Variants in DSCAML1 observed in about 807,000 individuals in gnomAD.
DSCAML1 encodes cell adhesion molecule DSCAML1.
DSCAML1 carries 38 observed loss-of-function variants against 200.5 expected under a neutral mutation model. That is an observed-to-expected ratio of 0.19 (90% confidence interval 0.15 to 0.25). The LOEUF is 0.25. DSCAML1 is among the 10% of genes least tolerant of loss of function. The pLI, the probability that DSCAML1 is intolerant of heterozygous loss-of-function variation, is 1.00. For missense variants in DSCAML1, 2,223 were observed against 2,858.8 expected (o/e 0.78, Z 5.07); for synonymous variants, 1,215 against 1,165.0 (o/e 1.04, Z -0.87).
intron 3 of DSCAML1, among the ~76,000 whole-genome samples, chr11:117,651,420 C>T (rs1023341983): frequency 1.3e-5 from 2 of 152,140 alleles, no homozygotes; most frequent in Admixed American, 6.5e-5. Flanking sequence ...TGATTGCACC[C>T]CTAGGCCGGG....
At chr11:117,512,653 C>CGT (rs1211703074) in intron 8 of DSCAML1, among the ~76,000 whole-genome samples, 9 of 91,988 alleles carry the variant, frequency 9.8e-5, no homozygotes, top group South Asian at 8.4e-4. Context: ...TACACACACA[C>CGT]ACACACACAC....
chr11:117,577,719 A>C (rs1200039275), intron 3 of DSCAML1, among the ~76,000 whole-genome samples: 1 of 151,472 alleles, frequency 6.6e-6, no homozygotes, highest in Non-Finnish European at 1.5e-5. Flanking sequence ...GGCGTGAGCC[A>C]CCAAGCCCGG....
In DSCAML1 at chr11:117,524,908, C is replaced by T; in HGVS notation, c.834G>A (p.Gly278=). 1 of 1,613,556 alleles carries T rather than the reference C, an allele frequency of 6.2e-7. No individual in the cohort carries two copies. Among genetic ancestry groups the T allele is most frequent in the South Asian group, 1.1e-5 (1 of 90,848 alleles). The stretch of plus-strand genomic sequence containing the variant: ...CGGTCCGCAAGTCGCTGATGGTCAG[C>T]CCTGTGATGCGCTTGGTCCAGCGGC... ...ADSRWTKRIT[G]LTISDLRTED... The change falls in exon 5 of 33, where the codon GGG becomes GGA. Residue 278 remains glycine, a synonymous_variant. Coordinates refer to ENST00000651296, the MANE Select transcript of DSCAML1 (RefSeq NM_020693.4).
Position 117,518,774 on chromosome 11 carries a change from G to A in DSCAML1, c.1214-12C>T, listed in dbSNP as rs896499915. On this transcript the variant is annotated splice_polypyrimidine_tract_variant and intron_variant, in intron 6 of 32. Transcript: ENST00000651296. This position sits in a 1 kb window ranked among gnomAD's most constrained non-coding sequence, Gnocchi z 6.3. Reference sequence around the variant, plus strand: ...GCGGGGCGTGCCATCTGCAGGGAGCGAGAAGCCCCCTTCAGGGTCACCAAG... The same window carrying A: ...GCGGGGCGTGCCATCTGCAGGGAGCAAGAAGCCCCCTTCAGGGTCACCAAG... 6.2e-6 allele frequency: 10 copies of A among 1,605,962 alleles called. No homozygotes were observed. Among genetic ancestry groups the A allele is most frequent in the Admixed American group, 3.4e-5 (2 of 59,670 alleles).
At chr11:117,561,582 T>C (rs1658838059) in intron 3 of DSCAML1, among the ~76,000 whole-genome samples, 1 of 152,178 alleles carries the variant, frequency 6.6e-6, no homozygotes, top group South Asian at 2.1e-4. Flanking sequence ...TGTTCTCCTC[T>C]CCTCTCCTCT....
At position 117,437,862 on chromosome 11, in the gene DSCAML1, G is replaced by T; in HGVS notation, c.4432+33C>A. The T allele has an allele frequency of 6.4e-7, 1 of 1,564,920 alleles. No individual in the cohort carries two copies. Among genetic ancestry groups the T allele is most frequent in the Non-Finnish European group, 8.6e-7 (1 of 1,158,536 alleles). ...CTAGCCCACCCTCCCTGGGCCCATCGCTCCTTCCCTGCCCCAGTGGCCTGG... is the reference window on the plus strand; with the variant it reads ...CTAGCCCACCCTCCCTGGGCCCATCTCTCCTTCCCTGCCCCAGTGGCCTGG... On this transcript the variant is annotated intron_variant, in intron 25 of 32. Transcript: ENST00000651296. The surrounding 1 kb of genome is among the most constrained non-coding windows in gnomAD (Gnocchi z 5.3).
intron 3 of DSCAML1, among the ~76,000 whole-genome samples, chr11:117,543,124 G>GGA (rs1422000764): frequency 1.3e-5 from 2 of 152,198 alleles, no homozygotes; most frequent in African/African-American, 4.8e-5. Flanking sequence ...ATGAAAGAGT[G>GGA]GATGAATGAT....
At chr11:117,618,629 T>G (rs1565829921) in intron 3 of DSCAML1, among the ~76,000 whole-genome samples, 1 of 152,056 alleles carries the variant, frequency 6.6e-6, no homozygotes, top group Non-Finnish European at 1.5e-5. Flanking sequence ...AAAGTGTCCA[T>G]GTGACTTTCA....
chr11:117,525,357 CAG>C (rs1386169999), intron 4 of DSCAML1, among the ~76,000 whole-genome samples: 1 of 151,986 alleles, frequency 6.6e-6, no homozygotes, highest in African/African-American at 2.4e-5. Flanking sequence ...GAGTGACAGA[CAG>C]AGAGACAGAT....
chr11:117,771,996 G>T (rs989301992), intron 3 of DSCAML1, among the ~76,000 whole-genome samples: 2 of 152,068 alleles, frequency 1.3e-5, no homozygotes, highest in Non-Finnish European at 2.9e-5. Context: ...AACGGACTAG[G>T]ACGCAAGACA....
chr11:117,772,798 C>T (rs2055063061), intron 3 of DSCAML1, among the ~76,000 whole-genome samples: 1 of 152,174 alleles, frequency 6.6e-6, no homozygotes, highest in African/African-American at 2.4e-5. Context: ...GCCCTCTTAC[C>T]CCAACCCTGC....
rs1238309963 is a variant in DSCAML1 at position 117,527,022 on chromosome 11, G to A, written c.659-1939C>T. ...CACACACACATGACTATAGTGCCAG[G>A]TGTGGTGGCACAAGCCTGTGGTCCT... is the stretch of plus-strand genomic sequence containing the variant. On this transcript the variant is annotated intron_variant, in intron 4 of 32. Coordinates refer to ENST00000651296, the MANE Select transcript of DSCAML1 (RefSeq NM_020693.4). Among the ~76,000 whole-genome samples the A allele has an allele frequency of 3.4e-5, 5 of 147,364 alleles. 1 individual carries two copies. The highest frequency in any genetic ancestry group is 1.2e-4 in the African/African-American group (5 of 41,162).
At chr11:117,674,725 A>G (rs1441884935) in intron 3 of DSCAML1, among the ~76,000 whole-genome samples, 1 of 152,186 alleles carries the variant, frequency 6.6e-6, no homozygotes, top group African/African-American at 2.4e-5. Flanking sequence ...TCCAAGCGGA[A>G]GAATATCCTC....
Position 117,505,861 on chromosome 11 carries a change from C to T in DSCAML1, c.1784-129G>A. 1.7e-6 allele frequency: 2 copies of T among 1,145,406 alleles called. No individual in the cohort carries two copies. The highest frequency in any genetic ancestry group is 2.4e-6 in the Non-Finnish European group (2 of 826,294). The allele number at this position is 1,145,406 out of a possible 1,614,324, so 71.0% of individuals were successfully genotyped here. A position where few individuals can be genotyped will look rare whatever the true frequency, so the allele number is the denominator to read the frequency against. On this transcript the variant is annotated intron_variant, in intron 8 of 32. Transcript: ENST00000651296. The surrounding 1 kb of genome is among the most constrained non-coding windows in gnomAD (Gnocchi z 6.7). ...CAAAGATCCCCTGGGGCACTGCAGC[C>T]TTGTTCTCCTATGCATGCAGGGTCT... is the stretch of plus-strand genomic sequence containing the variant.
chr11:117,554,231 T>C (rs1440133077), intron 3 of DSCAML1, among the ~76,000 whole-genome samples: 4 of 152,206 alleles, frequency 2.6e-5, no homozygotes, highest in Non-Finnish European at 4.4e-5. Flanking sequence ...GCGATGGCTG[T>C]ACCACAATGT....
At chr11:117,708,105 T>C (rs1206700611) in intron 3 of DSCAML1, among the ~76,000 whole-genome samples, 1 of 152,174 alleles carries the variant, frequency 6.6e-6, no homozygotes, top group Admixed American at 6.5e-5. Context: ...CTGTGCCCTA[T>C]ACTTCCTGTA....
At chr11:117,534,782 A>G (rs930130388) in intron 3 of DSCAML1, among the ~76,000 whole-genome samples, 20 of 152,110 alleles carry the variant, frequency 1.3e-4, no homozygotes, top group African/African-American at 4.8e-4. Flanking sequence ...GCTAGCTAAA[A>G]AAAAATTTTT....
chr11:117,712,633 C>T (rs139952442), intron 3 of DSCAML1, among the ~76,000 whole-genome samples: 21 of 152,194 alleles, frequency 1.4e-4, no homozygotes, highest in Admixed American at 4.6e-4. Flanking sequence ...TTAAAGCACG[C>T]GCACGCCGAC....
intron 3 of DSCAML1, among the ~76,000 whole-genome samples, chr11:117,555,146 G>A (rs1362078404): frequency 6.6e-6 from 1 of 152,220 alleles, no homozygotes; most frequent in Non-Finnish European, 1.5e-5. Flanking sequence ...TGCCCTGGAT[G>A]GGTGTGTTAC....
Sources: allele counts gnomAD v4.1 joint callset (sites outside exome capture counted in the v4.1 genomes callset), GRCh38; gene constraint gnomAD v4.1.1; non-coding constraint Gnocchi (gnomAD v3.1); transcripts MANE v1.5; gene names NCBI Gene and HGNC (gene_info 2026-07-23, HGNC 2026-07-21).